CDC7: variants seen among roughly 807,000 people sequenced by gnomAD.
The protein encoded by CDC7 is cell division cycle 7-related protein kinase.
CDC7 carries 34 observed loss-of-function variants against 53.5 expected under a neutral mutation model. The ratio of observed to expected loss-of-function variants is 0.64; its 90% CI spans 0.48 to 0.85. The LOEUF (loss-of-function observed/expected upper bound fraction) is 0.85, where lower values mean the gene tolerates loss of function less well. Ranked by LOEUF, CDC7 falls within the 40% of genes least tolerant of loss-of-function variation. The probability of loss-of-function intolerance (pLI) is 0.00; values close to 1 mark genes in which losing one functional copy is unlikely to be tolerated. For missense variants in CDC7, 594 were observed against 679.7 expected (o/e 0.87, Z 1.40); for synonymous variants, 211 against 222.8 (o/e 0.95, Z 0.47).
rs146634356 is a variant in CDC7 at position 91,508,359 on chromosome 1, A to C, written c.297A>C (p.Ile99=). The C allele has an allele frequency of 1.4e-4, 231 of 1,612,588 alleles. No homozygotes were observed. The African/African-American group carries it at 2.9e-3, about 20-fold the overall frequency. ...ACTTGATTCCAACAAGTCATCCTAT[A>C]AGAATTGCAGCTGAACTTCAGTGCC... ...LKHLIPTSHP[I]RIAAELQCLT... The change falls in exon 4 of 12, where the codon ATA becomes ATC. Residue 99 remains isoleucine, a synonymous_variant. Transcript: ENST00000234626.
At chr1:91,501,923 C>T in intron 2 of CDC7, 92 bp downstream of exon 2, 2 of 914,876 alleles carry the variant, frequency 2.2e-6, no homozygotes, top group Admixed American at 2.1e-5. Context: ...AAGATTGAAT[C>T]TTATAAAGTG....
In CDC7 at chr1:91,524,395, A is replaced by C. The variant is rs764188150; in HGVS notation, c.1685A>C (p.Glu562Ala). 7.4e-6 allele frequency: 12 copies of C among 1,611,694 alleles called. No individual in the cohort carries two copies. The highest frequency in any genetic ancestry group is 4.5e-5 in the East Asian group (2 of 44,862). ...CCAGCTTCAAGAATAACAGCAGAAG[A>C]AGCTTTGTTGCATCCATTTTTTAAA... ...LNPASRITAEEALLHPFFKDM... is the reference protein window; with the variant it reads ...LNPASRITAEAALLHPFFKDM... The change falls in exon 12 of 12, where the codon GAA (glutamate) becomes GCA (alanine). Residue 562 changes from glutamate (E) to alanine (A), a missense_variant. Physicochemically the swap from Glu to Ala is moderately radical, Grantham distance 107. Coordinates refer to ENST00000234626, the MANE Select transcript of CDC7 (RefSeq NM_003503.4).
chr1:91,520,852 T>A (rs899960616), intron 11 of CDC7, among the ~76,000 whole-genome samples: 1 of 152,114 alleles, frequency 6.6e-6, no homozygotes, highest in Non-Finnish European at 1.5e-5. Context: ...GATGGGATAT[T>A]ATTGTAAGCA....
Position 91,524,921 on chromosome 1 carries a change from T to C in CDC7, c.*486T>C, listed in dbSNP as rs1247342452. 6.6e-6 allele frequency: 1 copy of C among 152,648 alleles called. No homozygotes were observed. The highest frequency in any genetic ancestry group is 1.5e-5 in the Non-Finnish European group (1 of 68,424). 9.5% of individuals were successfully genotyped at this position (152,648 alleles called of 1,614,324 possible). On this transcript the variant is annotated 3_prime_UTR_variant, in exon 12 of 12. Transcript: ENST00000234626. ...TAATTTCCTTTTCTAGAGGTACATA[T>C]TAGGCCTTTTATGAACACTAAAACA...
intron 4 of CDC7, among the ~76,000 whole-genome samples, chr1:91,511,096 C>G (rs537662657): frequency 6.6e-6 from 1 of 152,212 alleles, no homozygotes; most frequent in Admixed American, 6.5e-5. Flanking sequence ...ACTGGCTTCT[C>G]TACTCATTTT....
intron 4 of CDC7, among the ~76,000 whole-genome samples, chr1:91,509,238 A>G (rs952450046): frequency 6.6e-6 from 1 of 152,132 alleles, no homozygotes; most frequent in African/African-American, 2.4e-5. Context: ...AATGATTCCC[A>G]AAAGTATATA....
At chr1:91,517,312 G>A (rs775897657) in intron 10 of CDC7, among the ~76,000 whole-genome samples, 1 of 152,164 alleles carries the variant, frequency 6.6e-6, no homozygotes, top group African/African-American at 2.4e-5. Flanking sequence ...GGATGAAAAT[G>A]TGAATGAGGG....
At chr1:91,513,692 G>A (rs1287264496) in intron 7 of CDC7, among the ~76,000 whole-genome samples, 1 of 152,126 alleles carries the variant, frequency 6.6e-6, no homozygotes, top group Non-Finnish European at 1.5e-5. Context: ...ACAGCAAAAT[G>A]TAACATCCAT....
In CDC7 at chr1:91,513,111, A is replaced by G; in HGVS notation, c.626A>G (p.Glu209Gly). 1 of 1,613,528 alleles carries G rather than the reference A, an allele frequency of 6.2e-7. No homozygotes were observed. ...LAQGTHDTKI[E>G]LLKFVQSEAQ... ...CAAGGAACCCATGATACGAAAATAG[A>G]GCTTCTTAAATTTGTCCAGTCTGAA... The change falls in exon 7 of 12, where the codon GAG becomes GGG. Residue 209 changes from glutamate (E) to glycine (G), a missense_variant. By Grantham distance (98) the Glu-to-Gly change is moderately conservative (BLOSUM62 -2). Transcript: ENST00000234626.
rs13447490 is a variant in CDC7, at chr1:91,507,740, T to C, written c.116-114T>C. On this transcript the variant is annotated intron_variant, in intron 2 of 11. Coordinates refer to ENST00000234626, the MANE Select transcript of CDC7 (RefSeq NM_003503.4). ...CTTATCACAATGTTATTAAAACTTA[T>C]GTATAATTAATTACTCATATTTTAT... 8.5e-4 allele frequency: 594 copies of C among 697,364 alleles called. 9 individuals carry two copies. The East Asian group carries it at 0.016, about 18-fold the overall frequency. 43.2% of individuals were successfully genotyped at this position (697,364 alleles called of 1,614,324 possible). A position where few individuals can be genotyped will look rare whatever the true frequency, so the allele number is the denominator to read the frequency against.
rs374379764 is a variant in CDC7 at position 91,513,983 on chromosome 1, T to C, written c.858T>C (p.Val286=). The change falls in exon 8 of 12, where the codon GTT becomes GTC. Residue 286 remains valine (V), a synonymous_variant. Coordinates refer to ENST00000234626, the MANE Select transcript of CDC7 (RefSeq NM_003503.4). ...TAGGCCTTTCTGTCCAGCGCTCTGT[T>C]TTTGGAGAAAGAAATTTCAATATAC... The part of the protein sequence containing the change: ...GSVGLSVQRS[V]FGERNFNIHS... 15 of 1,612,372 alleles carry C rather than the reference T, an allele frequency of 9.3e-6. No homozygotes were observed. The highest frequency in any genetic ancestry group is 1.3e-5 in the Non-Finnish European group (15 of 1,178,778).
At chr1:91,518,928 G>T (rs1174765580) in intron 10 of CDC7, among the ~76,000 whole-genome samples, 4 of 151,954 alleles carry the variant, frequency 2.6e-5, no homozygotes, top group Admixed American at 2.6e-4. Context: ...GGATGTGGTA[G>T]TGTGCATCTG....
chr1:91,510,944 C>T lies in CDC7; in HGVS notation c.336-653C>T, dbSNP rs933152380. 5.3e-5 allele frequency among the ~76,000 whole-genome samples: 8 copies of T among 152,200 alleles called. No homozygotes were observed. In the East Asian group the frequency reaches 1.4e-3, roughly 26 times the overall value. On this transcript the variant is annotated intron_variant, in intron 4 of 11. Transcript: ENST00000234626. ...TCTTCCAAGCTCAGTTTTCTTTTCT[C>T]GCTATTAATTTTCATGTCTGTAGGT...
At chr1:91,508,064 A>G (rs1667084870) in intron 3 of CDC7, 127 bp downstream of exon 3, 1 of 843,574 alleles carries the variant, frequency 1.2e-6, no homozygotes, top group South Asian at 2.2e-5. Context: ...TATTAAGACC[A>G]TAGTTTTATT....
rs1221555171 is a variant in CDC7, at chr1:91,508,291, G to C, written c.229G>C (p.Ala77Pro). The change falls in exon 4 of 12, where the codon GCA becomes CCA. Residue 77 changes from alanine (A) to proline (P), a missense_variant. Ala to Pro is a conservative substitution (Grantham distance 27, BLOSUM62 -1). Coordinates refer to ENST00000234626, the MANE Select transcript of CDC7 (RefSeq NM_003503.4). ...GTFSSVYLAT[A>P]QLQVGPEEKI... ...TTTCAGCTCTGTTTATTTGGCCACAGCACAGTTACAAGTAGGACCTGAAGA... is the reference window on the plus strand; with the variant it reads ...TTTCAGCTCTGTTTATTTGGCCACACCACAGTTACAAGTAGGACCTGAAGA... 1.2e-6 allele frequency: 2 copies of C among 1,610,698 alleles called. No homozygotes were observed. The highest frequency in any genetic ancestry group is 2.2e-5 in the South Asian group (2 of 90,482).
chr1:91,520,188 A>C lies in CDC7; in HGVS notation c.1239A>C (p.Pro413=). The C allele has an allele frequency of 6.2e-7, 1 of 1,610,748 alleles. No individual in the cohort carries two copies. The highest frequency in any genetic ancestry group is 8.5e-7 in the Non-Finnish European group (1 of 1,178,296). ...TTTCTTTGCTTAGTGGACGATATCC[A>C]TTTTATAAAGCAAGTGATGATTTAA... ...IFLSLLSGRY[P]FYKASDDLTA... is the part of the protein sequence containing the mutation. The change falls in exon 11 of 12, where the codon CCA becomes CCC. Residue 413 remains proline, a synonymous_variant. Transcript: ENST00000234626.
chr1:91,521,713 A>G (rs541212854), intron 11 of CDC7, among the ~76,000 whole-genome samples: 1 of 152,306 alleles, frequency 6.6e-6, no homozygotes, highest in South Asian at 2.1e-4. Context: ...CAATACCAAC[A>G]TATTTTATTG....
intron 2 of CDC7, among the ~76,000 whole-genome samples, chr1:91,507,333 G>A (rs1008047492): frequency 6.6e-6 from 1 of 152,142 alleles, no homozygotes; most frequent in Non-Finnish European, 1.5e-5. Context: ...AAGGATAGAG[G>A]ATACTACTGG....
chr1:91,525,396 C>T lies in CDC7; in HGVS notation c.*961C>T, dbSNP rs184846160. ...TCCAGATCTCTGTATCCTGTTTTGA[C>T]TAAGTCTTAGGTGGGTTGGGAAGAC... is the stretch of plus-strand genomic sequence containing the variant. On this transcript the variant is annotated 3_prime_UTR_variant, in exon 12 of 12. Transcript: ENST00000234626. 4 of 151,986 alleles carry T rather than the reference C, an allele frequency of 2.6e-5. No individual in the cohort carries two copies. Among genetic ancestry groups the T allele is most frequent in the Non-Finnish European group, 1.5e-5 (1 of 67,980 alleles). 9.4% of individuals were successfully genotyped at this position (151,986 alleles called of 1,614,324 possible).
Sources: gnomAD v4.1 joint callset for allele counts (sites outside exome capture counted in the v4.1 genomes callset) on GRCh38, gnomAD v4.1.1 for gene constraint, MANE v1.5 for transcripts, NCBI Gene and HGNC (gene_info 2026-07-23, HGNC 2026-07-21) for gene names.